ELOVL6: variants seen among roughly 807,000 people sequenced by gnomAD.
ELOVL6 encodes the protein very long chain fatty acid elongase 6.
Under a neutral mutation model 31.7 loss-of-function variants are expected in ELOVL6, and 8 were observed. That is an observed-to-expected ratio of 0.25 (90% CI 0.15 to 0.45). ELOVL6 has a LOEUF of 0.45. Among genes scored for constraint, ELOVL6 ranks in the 20% least tolerant of loss-of-function variants. The pLI is 1.00. For missense variants in ELOVL6, 126 were observed against 326.4 expected (o/e 0.39, Z 4.73); for synonymous variants, 101 against 117.7 (o/e 0.86, Z 0.92).
chr4:110,162,768 G>A (rs1758667324), intron 1 of ELOVL6, among the ~76,000 whole-genome samples: 1 of 152,188 alleles, frequency 6.6e-6, no homozygotes, highest in Admixed American at 6.5e-5. Context: ...GTACACAAAT[G>A]TGATATGCAA....
rs937730835 is a variant in ELOVL6, at chr4:110,105,427, C to T, written c.221+70G>A. 5 of 1,428,018 alleles carry T rather than the reference C, an allele frequency of 3.5e-6. No individual in the cohort carries two copies. The African/African-American group carries it at 5.8e-5, about 16-fold the overall frequency. 88.5% of individuals were successfully genotyped at this position (1,428,018 alleles called of 1,614,324 possible). On this transcript the variant is annotated intron_variant, in intron 2 of 3. Coordinates refer to ENST00000302274, the MANE Select transcript of ELOVL6 (RefSeq NM_024090.3). The stretch of plus-strand genomic sequence containing the variant: ...AAAATATCAGATTTAAAATCAAATG[C>T]TCAATCATTGCATTCTTTCAGCAAG...
rs200255494 is a variant in ELOVL6 at position 110,056,126 on chromosome 4, G to GGA, written c.373+3476_373+3477insTC. 5.5e-3 allele frequency among the ~76,000 whole-genome samples: 804 copies of GGA among 145,232 alleles called. 17 individuals are homozygous for GGA. Among genetic ancestry groups the GGA allele is most frequent in the Non-Finnish European group, 8.2e-3 (553 of 67,138 alleles). On this transcript the variant is annotated intron_variant, in intron 3 of 3. Transcript: ENST00000302274. ...AGAGTTTGAGTTTGTGGGAGCTGGG[G>GGA]GGGGGGATACAGTTTCAGTACTATA...
chr4:110,155,087 T>C (rs937616894), intron 1 of ELOVL6, among the ~76,000 whole-genome samples: 12 of 152,206 alleles, frequency 7.9e-5, no homozygotes, highest in African/African-American at 2.7e-4. Flanking sequence ...TATTATATAC[T>C]AATATATAAT....
intron 2 of ELOVL6, among the ~76,000 whole-genome samples, chr4:110,079,032 A>G (rs1275342375): frequency 6.6e-6 from 1 of 152,212 alleles, no homozygotes; most frequent in Non-Finnish European, 1.5e-5. Context: ...TTCAACAAGA[A>G]GAGATAACTA....
rs1174930540 is a variant in ELOVL6, at chr4:110,049,838, A to T, written c.*1500T>A. ...TTTGAAATACTAGAAACATTGACAC[A>T]TGTATTTGGCTTGTAAAGGACTGAA... is the stretch of plus-strand genomic sequence containing the variant. On this transcript the variant is annotated 3_prime_UTR_variant, in exon 4 of 4. Transcript: ENST00000302274. 1 of 151,398 alleles carries T rather than the reference A, an allele frequency of 6.6e-6. No homozygotes were observed. The highest frequency in any genetic ancestry group is 1.5e-5 in the Non-Finnish European group (1 of 67,912). 9.4% of individuals were successfully genotyped at this position (151,398 alleles called of 1,614,324 possible).
rs1362155505 is a variant in ELOVL6, at chr4:110,186,820, AAAAT to A, written c.89+11423_89+11426del. 6.5e-3 allele frequency among the ~76,000 whole-genome samples: 619 copies of A among 94,538 alleles called. 1 individual carries two copies. Among genetic ancestry groups the A allele is most frequent in the African/African-American group, 0.014 (354 of 25,528 alleles). The allele number at this position is 94,538 out of a possible 152,430, so 62.0% of individuals were successfully genotyped here. On this transcript the variant is annotated intron_variant, in intron 1 of 3. Coordinates refer to ENST00000302274, the MANE Select transcript of ELOVL6 (RefSeq NM_024090.3). Reference sequence around the variant, plus strand: ...CTCTGTCTCAAAAAAAAAAAAAAAAAAAATATATATATATATATATATATTTATA... The same window carrying A: ...CTCTGTCTCAAAAAAAAAAAAAAAAAATATATATATATATATATATTTATA...
At chr4:110,077,384 G>C (rs1304749823) in intron 2 of ELOVL6, among the ~76,000 whole-genome samples, 2 of 152,142 alleles carry the variant, frequency 1.3e-5, no homozygotes, top group Non-Finnish European at 2.9e-5. Flanking sequence ...GCTCCTCTGA[G>C]ATAAAACTTC....
chr4:110,143,306 G>A (rs560542221), intron 1 of ELOVL6, among the ~76,000 whole-genome samples: 14 of 150,484 alleles, frequency 9.3e-5, no homozygotes, highest in Admixed American at 2.0e-4. Flanking sequence ...GATTTTTAAC[G>A]GTAAAAAAAA....
chr4:110,139,039 T>A (rs1757881357), intron 1 of ELOVL6, among the ~76,000 whole-genome samples: 1 of 152,124 alleles, frequency 6.6e-6, no homozygotes, highest in South Asian at 2.1e-4. Context: ...ATATTAAAAG[T>A]TCTTATCTTG....
At chr4:110,168,457 T>C (rs1758844406) in intron 1 of ELOVL6, among the ~76,000 whole-genome samples, 1 of 151,766 alleles carries the variant, frequency 6.6e-6, no homozygotes, top group Admixed American at 6.6e-5. Flanking sequence ...AGGCAGAGGC[T>C]GCTGTGAGCC....
chr4:110,160,024 T>C (rs1336443152), intron 1 of ELOVL6, among the ~76,000 whole-genome samples: 2 of 152,108 alleles, frequency 1.3e-5, no homozygotes, highest in Non-Finnish European at 2.9e-5. Context: ...TTAGGAAAAG[T>C]GGCACCTAAA....
intron 2 of ELOVL6, among the ~76,000 whole-genome samples, chr4:110,092,451 A>T (rs913091263): frequency 2.6e-5 from 4 of 152,084 alleles, no homozygotes; most frequent in Non-Finnish European, 5.9e-5. Flanking sequence ...CGGGTGACCA[A>T]TTTCTCTTTA....
chr4:110,077,598 TC>T (rs1333962515), intron 2 of ELOVL6, among the ~76,000 whole-genome samples: 1 of 151,968 alleles, frequency 6.6e-6, no homozygotes. Flanking sequence ...TATGTCACCA[TC>T]GTCAAAGACC....
chr4:110,063,272 G>A (rs1331885962), intron 2 of ELOVL6, among the ~76,000 whole-genome samples: 3 of 152,152 alleles, frequency 2.0e-5, no homozygotes, highest in Non-Finnish European at 4.4e-5. Flanking sequence ...TCTAGGAGCC[G>A]AGGATGGCTG....
intron 2 of ELOVL6, among the ~76,000 whole-genome samples, chr4:110,101,400 CAA>C (rs34486723): frequency 7.3e-6 from 1 of 136,810 alleles, no homozygotes; most frequent in Non-Finnish European, 1.6e-5. Flanking sequence ...ATTTGGATTT[CAA>C]AAAAAAAAAG....
chr4:110,183,238 C>T (rs570762889), intron 1 of ELOVL6, among the ~76,000 whole-genome samples: 1 of 152,320 alleles, frequency 6.6e-6, no homozygotes, highest in South Asian at 2.1e-4. Flanking sequence ...TATCTTAACC[C>T]AGACACTCTT....
chr4:110,193,651 T>A (rs1234881971), intron 1 of ELOVL6, among the ~76,000 whole-genome samples: 1 of 152,152 alleles, frequency 6.6e-6, no homozygotes, highest in Non-Finnish European at 1.5e-5. Context: ...TTTTTACCTT[T>A]GGTAAAAACA....
intron 2 of ELOVL6, among the ~76,000 whole-genome samples, chr4:110,084,113 T>TATATAACATATATGATATATATG (rs1560814056): frequency 1.3e-5 from 1 of 76,940 alleles, no homozygotes; most frequent in Non-Finnish European, 2.3e-5. Context: ...ATATATATGA[T>TATATAACATATATGATATATATG]ATATATAACA....
chr4:110,127,131 A>G (rs905969498), intron 1 of ELOVL6, among the ~76,000 whole-genome samples: 1 of 152,138 alleles, frequency 6.6e-6, no homozygotes, highest in East Asian at 1.9e-4. Context: ...AAGCCTGGCC[A>G]GGTGCAGTGG....
Sources: allele counts gnomAD v4.1 joint callset (sites outside exome capture counted in the v4.1 genomes callset), GRCh38; gene constraint gnomAD v4.1.1; transcripts MANE v1.5; gene names NCBI Gene and HGNC (gene_info 2026-07-23, HGNC 2026-07-21).